DAW1: variants seen among roughly 807,000 people sequenced by gnomAD.
DAW1 encodes the protein dynein assembly factor with WD repeat domains 1.
In DAW1, 47 loss-of-function variants were observed where a neutral mutation model predicts 56.5. That is an observed-to-expected ratio of 0.83 (90% CI 0.66 to 1.06). The LOEUF (loss-of-function observed/expected upper bound fraction) is 1.06, where lower values mean the gene tolerates loss of function less well. Ranked by LOEUF, DAW1 falls within the 50% of genes least tolerant of loss-of-function variation. The probability of loss-of-function intolerance (pLI) is 0.00; values close to 1 mark genes in which losing one functional copy is unlikely to be tolerated. For missense variants in DAW1, 505 were observed against 499.3 expected (o/e 1.01, Z -0.11); for synonymous variants, 190 against 179.0 (o/e 1.06, Z -0.49).
intron 1 of DAW1, among the ~76,000 whole-genome samples, chr2:227,884,665 T>C (rs1198921506): frequency 6.6e-6 from 1 of 152,162 alleles, no homozygotes; most frequent in Non-Finnish European, 1.5e-5. Context: ...TCCTGGTCAC[T>C]TCCCGGCCTG....
rs111726374 is a variant in DAW1 at position 227,889,688 on chromosome 2, G to T, written c.114-168G>T. 175 of 488,144 alleles carry T rather than the reference G, an allele frequency of 3.6e-4. 1 individual carries two copies. Among genetic ancestry groups the T allele is most frequent in the African/African-American group, 3.1e-3 (152 of 49,670 alleles). The allele number at this position is 488,144 out of a possible 1,614,324, so 30.2% of individuals were successfully genotyped here. On this transcript the variant is annotated intron_variant, in intron 2 of 12. Coordinates refer to ENST00000309931, the MANE Select transcript of DAW1 (RefSeq NM_178821.3). ...CCTGCCATCATCTATTTACTGATTT[G>T]TATGATCCTCCCCGCCCCACCCCCA...
intron 1 of DAW1, among the ~76,000 whole-genome samples, chr2:227,877,886 G>A (rs964896638): frequency 1.3e-5 from 2 of 152,228 alleles, no homozygotes; most frequent in African/African-American, 4.8e-5. Context: ...GTGGGGTCGG[G>A]GGACCCCTGG....
At chr2:227,921,255 C>T in intron 11 of DAW1, 144 bp from the exon 12 acceptor site, 1 of 833,282 alleles carries the variant, frequency 1.2e-6, no homozygotes. Context: ...AGAAATTGTT[C>T]TATGCAAGAA....
At chr2:227,907,944 T>A (rs189938911) in intron 10 of DAW1, among the ~76,000 whole-genome samples, 43 of 152,370 alleles carry the variant, frequency 2.8e-4, no homozygotes, top group Non-Finnish European at 5.3e-4. Flanking sequence ...CCACATGTGC[T>A]GTTCCGCTAT....
At chr2:227,882,131 G>T (rs537801903) in intron 1 of DAW1, among the ~76,000 whole-genome samples, 1 of 152,262 alleles carries the variant, frequency 6.6e-6, no homozygotes, top group Non-Finnish European at 1.5e-5. Context: ...ATTTTCCCTT[G>T]ATCTGAAATA....
intron 1 of DAW1, chr2:227,876,617 C>T (rs760553968): frequency 6.7e-5 from 45 of 670,114 alleles, no homozygotes; most frequent in East Asian, 3.6e-4. Flanking sequence ...CTCTAATTTT[C>T]GCCCTCCCAC....
rs770794705 is a variant in DAW1 at position 227,893,813 on chromosome 2, T to C, written c.336T>C (p.Tyr112=). The change falls in exon 5 of 13, where the codon TAT becomes TAC. Residue 112 remains tyrosine, a synonymous_variant. Transcript: ENST00000309931. The part of the protein sequence containing the change: ...KSGSCFITGS[Y]DRTCKLWDTA... ...GTGTTAGCTTTATCACAGGAAGCTA[T>C]GATCGGACGTGCAAGCTCTGGGACA... is the stretch of plus-strand genomic sequence containing the variant. The C allele has an allele frequency of 1.2e-6, 2 of 1,612,962 alleles. No homozygotes were observed. Among genetic ancestry groups the C allele is most frequent in the South Asian group, 2.2e-5 (2 of 90,866 alleles).
At chr2:227,915,375 C>T (rs933380833) in intron 10 of DAW1, among the ~76,000 whole-genome samples, 1 of 152,148 alleles carries the variant, frequency 6.6e-6, no homozygotes, top group South Asian at 2.1e-4. Flanking sequence ...AACTTAAGTA[C>T]TATGTATATG....
At chr2:227,905,076 G>T (rs201837005) in intron 8 of DAW1, 41 bp downstream of exon 8, 2 of 1,550,476 alleles carry the variant, frequency 1.3e-6, no homozygotes, top group East Asian at 4.6e-5. Context: ...CCTGGATCAG[G>T]GGGTTCAGAA....
Position 227,898,285 on chromosome 2 carries a change from A to G in DAW1, c.540+4A>G, listed in dbSNP as rs754857559. Reference sequence around the variant, plus strand: ...CAGGGGTCATACAGCAGAAATAGTGAGTATATTTAACAATTTATTATTATT... The same window carrying G: ...CAGGGGTCATACAGCAGAAATAGTGGGTATATTTAACAATTTATTATTATT... On this transcript the variant is annotated splice_donor_region_variant and intron_variant, in intron 6 of 12. Transcript: ENST00000309931. The G allele has an allele frequency of 7.0e-7, 1 of 1,437,160 alleles. No homozygotes were observed. Among genetic ancestry groups the G allele is most frequent in the South Asian group, 1.6e-5 (1 of 60,762 alleles). 89.0% of individuals were successfully genotyped at this position (1,437,160 alleles called of 1,614,324 possible). A position where few individuals can be genotyped will look rare whatever the true frequency, so the allele number is the denominator to read the frequency against.
chr2:227,908,697 A>G (rs1466854057), intron 10 of DAW1, among the ~76,000 whole-genome samples: 1 of 152,186 alleles, frequency 6.6e-6, no homozygotes, highest in African/African-American at 2.4e-5. Context: ...CCTATTTTAC[A>G]CTAAACTATG....
At chr2:227,888,234 C>T (rs745341029) in intron 2 of DAW1, among the ~76,000 whole-genome samples, 1 of 152,148 alleles carries the variant, frequency 6.6e-6, no homozygotes. Flanking sequence ...GTTCCTAGCT[C>T]GGTGCCTTGC....
chr2:227,899,941 C>T (rs182926026), intron 6 of DAW1, among the ~76,000 whole-genome samples: 2 of 152,314 alleles, frequency 1.3e-5, no homozygotes, highest in Admixed American at 1.3e-4. Context: ...CAAAAACAAG[C>T]TGCTTATTTT....
chr2:227,919,127 T>C (rs1194817067), intron 11 of DAW1, among the ~76,000 whole-genome samples: 1 of 146,852 alleles, frequency 6.8e-6, no homozygotes, highest in Non-Finnish European at 1.5e-5. Flanking sequence ...GCCCAGGAGG[T>C]CAAGGCTGCA....
intron 2 of DAW1, chr2:227,889,457 C>T (rs1691207104): frequency 6.5e-6 from 1 of 154,044 alleles, no homozygotes; most frequent in Non-Finnish European, 1.4e-5. Context: ...TTCAGAAGGG[C>T]TCCACCATTG....
intron 11 of DAW1, 86 bp downstream of exon 11, chr2:227,918,942 C>G: frequency 1.5e-6 from 2 of 1,317,784 alleles, no homozygotes; most frequent in Non-Finnish European, 2.2e-6. Context: ...CACCTATAAT[C>G]CCAGCACTTT....
intron 4 of DAW1, among the ~76,000 whole-genome samples, chr2:227,893,262 T>C (rs1691316482): frequency 7.0e-6 from 1 of 143,076 alleles, no homozygotes; most frequent in South Asian, 2.4e-4. Context: ...AGAGCAAGAC[T>C]CTGTCTCGGG....
At chr2:227,884,061 C>T (rs1691069005) in intron 1 of DAW1, among the ~76,000 whole-genome samples, 1 of 152,114 alleles carries the variant, frequency 6.6e-6, no homozygotes, top group Non-Finnish European at 1.5e-5. Context: ...TTTATTAGCG[C>T]TGGGCTGTTC....
At chr2:227,916,724 A>G (rs1375244526) in intron 10 of DAW1, among the ~76,000 whole-genome samples, 1 of 152,190 alleles carries the variant, frequency 6.6e-6, no homozygotes, top group East Asian at 1.9e-4. Flanking sequence ...CTTGATGATC[A>G]TATGTGATGC....
Sources: allele counts gnomAD v4.1 joint callset (sites outside exome capture counted in the v4.1 genomes callset), GRCh38; gene constraint gnomAD v4.1.1; transcripts MANE v1.5; gene names NCBI Gene and HGNC (gene_info 2026-07-23, HGNC 2026-07-21).